RERG: variants seen among roughly 807,000 people sequenced by gnomAD.
The protein encoded by RERG is ras-related and estrogen-regulated growth inhibitor.
In RERG, 25 loss-of-function variants were observed where a neutral mutation model predicts 23.2. That is an observed-to-expected ratio of 1.08 (90% CI 0.79 to 1.50). The LOEUF is 1.50. Ranked by LOEUF, RERG falls within the 40% of genes most tolerant of loss-of-function variation. The probability of loss-of-function intolerance (pLI) is 0.00; values close to 1 mark genes in which losing one functional copy is unlikely to be tolerated. For missense variants in RERG, 253 were observed against 250.1 expected (o/e 1.01, Z -0.08); for synonymous variants, 81 against 89.1 (o/e 0.91, Z 0.51).
intron 2 of RERG, among the ~76,000 whole-genome samples, chr12:15,126,157 T>TA (rs1555120854): frequency 2.2e-4 from 12 of 55,426 alleles, no homozygotes; most frequent in South Asian, 5.2e-4. Context: ...ATATATGTAT[T>TA]TACACACATA....
chr12:15,110,455 A>ATTTTTTTT (rs1257915419), intron 4 of RERG, among the ~76,000 whole-genome samples: 9 of 59,328 alleles, frequency 1.5e-4, no homozygotes, highest in East Asian at 1.0e-3. Flanking sequence ...TCCAGTGGCC[A>ATTTTTTTT]TTTTTTTCTT....
chr12:15,205,498 C>T (rs1249297124), intron 2 of RERG, among the ~76,000 whole-genome samples: 1 of 151,972 alleles, frequency 6.6e-6, no homozygotes, highest in Non-Finnish European at 1.5e-5. Flanking sequence ...GACTTTGGAA[C>T]AGATCACTGT....
intron 2 of RERG, among the ~76,000 whole-genome samples, chr12:15,205,971 T>C (rs1037553323): frequency 2.0e-5 from 3 of 152,068 alleles, no homozygotes; most frequent in Admixed American, 1.3e-4. Flanking sequence ...GACTTAACTA[T>C]ATGGAGCGAG....
intron 2 of RERG, among the ~76,000 whole-genome samples, chr12:15,132,962 C>T (rs1373420749): frequency 1.3e-5 from 2 of 150,522 alleles, no homozygotes; most frequent in Non-Finnish European, 3.0e-5. Flanking sequence ...TTTCCATATA[C>T]TCCCTGCCCT....
intron 2 of RERG, among the ~76,000 whole-genome samples, chr12:15,197,979 T>C (rs1420700148): frequency 3.3e-5 from 5 of 152,084 alleles, no homozygotes; most frequent in Non-Finnish European, 1.5e-5. Flanking sequence ...GGTCTTGCCC[T>C]CAGAATAACT....
rs953176797 is a variant in RERG, at chr12:15,121,098, G to T, written c.83C>A (p.Thr28Asn). ...ATCATATTCCCAGATGAACCGTTTG[G>T]TCAGAAATCTCACTACAAGAGCTGT... The part of the protein sequence containing the change: ...GKSALVVRFL[T>N]KRFIWEYDPT... Residue 28 changes from threonine (T) to asparagine (N), a missense_variant, in exon 3 of 5, where the codon ACC becomes AAC. Coordinates refer to ENST00000256953, the MANE Select transcript of RERG (RefSeq NM_032918.3). 2.5e-6 allele frequency: 4 copies of T among 1,613,380 alleles called. No homozygotes were observed. The highest frequency in any genetic ancestry group is 3.4e-6 in the Non-Finnish European group (4 of 1,179,514).
chr12:15,186,488 A>G lies in RERG; in HGVS notation c.61+30941T>C, dbSNP rs551403996. 2.6e-5 allele frequency among the ~76,000 whole-genome samples: 4 copies of G among 152,214 alleles called. No homozygotes were observed. The South Asian group carries it at 8.3e-4, about 32-fold the overall frequency. On this transcript the variant is annotated intron_variant, in intron 2 of 4. Transcript: ENST00000256953. ...AAAATAGTTTATATCAATCTGATAT[A>G]TTATTTAGATAGTCTGGCTTTGAGT...
At chr12:15,208,168 T>C (rs1489656170) in intron 2 of RERG, among the ~76,000 whole-genome samples, 1 of 152,144 alleles carries the variant, frequency 6.6e-6, no homozygotes, top group African/African-American at 2.4e-5. Context: ...CCTGCCTGAG[T>C]TTCCACCCTG....
chr12:15,141,813 T>C (rs529929488), intron 2 of RERG, among the ~76,000 whole-genome samples: 1 of 152,370 alleles, frequency 6.6e-6, no homozygotes, highest in African/African-American at 2.4e-5. Flanking sequence ...CAGCTTACTG[T>C]TCCAGTAATG....
chr12:15,135,791 A>G (rs1208401568), intron 2 of RERG, among the ~76,000 whole-genome samples: 2 of 152,080 alleles, frequency 1.3e-5, no homozygotes, highest in African/African-American at 4.8e-5. Flanking sequence ...ACATTGTTGG[A>G]TTCAATTTGT....
At chr12:15,140,590 T>A (rs182799848) in intron 2 of RERG, among the ~76,000 whole-genome samples, 244 of 152,270 alleles carry the variant, frequency 1.6e-3, no homozygotes, top group South Asian at 8.5e-3. Context: ...GTAGGGCAGC[T>A]CTGCTACCGA....
intron 2 of RERG, among the ~76,000 whole-genome samples, chr12:15,159,111 G>T: frequency 6.6e-6 from 1 of 152,138 alleles, no homozygotes; most frequent in East Asian, 1.9e-4. Flanking sequence ...TCTATTGTAA[G>T]AAAGAACTTG....
intron 2 of RERG, among the ~76,000 whole-genome samples, chr12:15,193,388 C>T (rs544003411): frequency 2.0e-5 from 3 of 152,272 alleles, no homozygotes; most frequent in East Asian, 1.9e-4. Flanking sequence ...AGACATGCCT[C>T]CACCCTTTCA....
chr12:15,130,295 T>A (rs1390943195), intron 2 of RERG, among the ~76,000 whole-genome samples: 4 of 152,188 alleles, frequency 2.6e-5, no homozygotes, highest in Non-Finnish European at 5.9e-5. Flanking sequence ...ATGGTTAACA[T>A]GGTCCAGGTA....
At chr12:15,124,605 C>A (rs1337519466) in intron 2 of RERG, among the ~76,000 whole-genome samples, 1 of 151,944 alleles carries the variant, frequency 6.6e-6, no homozygotes, top group Non-Finnish European at 1.5e-5. Context: ...GCATATGTAA[C>A]CTCCTACACA....
In RERG at chr12:15,213,940, G is replaced by A. The variant is rs143640002; in HGVS notation, c.61+3489C>T. Among the ~76,000 whole-genome samples the A allele has an allele frequency of 2.4e-4, 36 of 151,578 alleles. No individual in the cohort carries two copies. In the East Asian group the frequency reaches 6.2e-3, roughly 26 times the overall value. The stretch of plus-strand genomic sequence containing the variant: ...TATTGTTATGATCATCTGTGGTCAA[G>A]CTATAATTGACATTAACCAGATTTT... On this transcript the variant is annotated intron_variant, in intron 2 of 4. Coordinates refer to ENST00000256953, the MANE Select transcript of RERG (RefSeq NM_032918.3).
At chr12:15,180,446 A>C (rs775263212) in intron 2 of RERG, among the ~76,000 whole-genome samples, 10 of 152,092 alleles carry the variant, frequency 6.6e-5, no homozygotes, top group Non-Finnish European at 1.5e-4. Context: ...AGCTACTGGC[A>C]ATGGCTCTGA....
At chr12:15,151,635 A>C (rs905930752) in intron 2 of RERG, among the ~76,000 whole-genome samples, 1 of 152,216 alleles carries the variant, frequency 6.6e-6, no homozygotes, top group African/African-American at 2.4e-5. Context: ...TTTCAGGTGA[A>C]ATGTAATGTC....
chr12:15,117,231 C>G (rs11056358), intron 3 of RERG, among the ~76,000 whole-genome samples: 100,355 of 150,868 alleles, frequency 0.67, 33,486 homozygotes, highest in Admixed American at 0.74. Flanking sequence ...ATTTATGCCA[C>G]AATGGAAATT....
Sources: gnomAD v4.1 joint callset for allele counts (sites outside exome capture counted in the v4.1 genomes callset) on GRCh38, gnomAD v4.1.1 for gene constraint, MANE v1.5 for transcripts, NCBI Gene and HGNC (gene_info 2026-07-23, HGNC 2026-07-21) for gene names.